TRIO: variants seen among roughly 807,000 people sequenced by gnomAD.
TRIO encodes the protein triple functional domain protein.
In TRIO, 58 loss-of-function variants were observed where a neutral mutation model predicts 351.9. The ratio of observed to expected loss-of-function variants is 0.16; its 90% CI spans 0.13 to 0.21. TRIO has a LOEUF of 0.21. Ranked by LOEUF, TRIO falls within the 10% of genes least tolerant of loss-of-function variation. The pLI is 1.00. For missense variants in TRIO, 3,201 were observed against 4,027.8 expected (o/e 0.79, Z 5.56); for synonymous variants, 1,758 against 1,595.7 (o/e 1.10, Z -2.42).
At chr5:14,311,001 G>A (rs1013195500) in intron 8 of TRIO, among the ~76,000 whole-genome samples, 1 of 152,196 alleles carries the variant, frequency 6.6e-6, no homozygotes, top group Non-Finnish European at 1.5e-5. Flanking sequence ...TTCCATCACA[G>A]TTGTATAAAG....
Position 14,507,210 on chromosome 5 carries a change from G to A in TRIO, c.8701G>A (p.Glu2901Lys). ...CAGGGCGCACCTGGGGGAGGTTCTG[G>A]AAGCTGTCCGGTACCTGCACAACTG... The part of the protein sequence containing the change: ...KIRAHLGEVL[E>K]AVRYLHNCRI... The change falls in exon 56 of 57, where the codon GAA (glutamate) becomes AAA (lysine). Residue 2901 changes from glutamate (E) to lysine (K), a missense_variant. Around this residue, in one of 19 missense-constraint regions of TRIO, gnomAD observed 233 missense variants for 292.6 expected, o/e 0.80. Transcript: ENST00000344204. The A allele has an allele frequency of 1.2e-6, 2 of 1,612,000 alleles. No individual in the cohort carries two copies. The highest frequency in any genetic ancestry group is 1.3e-5 in the African/African-American group (1 of 74,972).
chr5:14,488,357 A>G, intron 48 of TRIO, 97 bp downstream of exon 48: 2 of 1,457,688 alleles, frequency 1.4e-6, no homozygotes, highest in Admixed American at 2.3e-5. Flanking sequence ...TCGGCTGCCC[A>G]GCGCTCTCCG....
intron 34 of TRIO, 159 bp downstream of exon 34, chr5:14,420,180 G>T (rs749830474): frequency 6.5e-5 from 71 of 1,092,362 alleles, no homozygotes; most frequent in Middle Eastern, 3.1e-4. Flanking sequence ...CAGTCCATCA[G>T]CACCTGAAGA....
At chr5:14,328,224 T>G (rs925106309) in intron 9 of TRIO, among the ~76,000 whole-genome samples, 2 of 152,216 alleles carry the variant, frequency 1.3e-5, no homozygotes, top group Non-Finnish European at 2.9e-5. Context: ...GTTAAAGTAA[T>G]GTGCACTCAA....
intron 34 of TRIO, among the ~76,000 whole-genome samples, chr5:14,454,318 C>CAAGTAG (rs1463808064): frequency 1.3e-5 from 2 of 152,198 alleles, no homozygotes; most frequent in Non-Finnish European, 2.9e-5. Context: ...TGTTCACGTA[C>CAAGTAG]ACTTAGTCTG....
chr5:14,369,255 TG>T, intron 17 of TRIO, 118 bp from the exon 18 acceptor site: 1 of 1,402,532 alleles, frequency 7.1e-7, no homozygotes, highest in Non-Finnish European at 9.5e-7. Flanking sequence ...CTCCTTCTTA[TG>T]GTCTTGATCC....
rs1453016438 is a variant in TRIO at position 14,498,319 on chromosome 5, A to C, written c.8210+68A>C. The C allele has an allele frequency of 2.5e-6, 4 of 1,582,204 alleles. No individual in the cohort carries two copies. The African/African-American group carries it at 5.4e-5, about 21-fold the overall frequency. The stretch of plus-strand genomic sequence containing the variant: ...ACCATCTTGTCACTTGGCAACTGGA[A>C]ATTCCTCCTTCACGGATGGATTTCT... On this transcript the variant is annotated intron_variant, in intron 52 of 56. Transcript: ENST00000344204.
intron 1 of TRIO, among the ~76,000 whole-genome samples, chr5:14,187,202 T>G (rs182443093): frequency 2.0e-5 from 3 of 152,210 alleles, no homozygotes; most frequent in Admixed American, 6.5e-5. Flanking sequence ...AGTACTAAAA[T>G]GTATTATACT....
At chr5:14,254,207 G>T (rs1290331990) in intron 1 of TRIO, among the ~76,000 whole-genome samples, 2 of 148,320 alleles carry the variant, frequency 1.3e-5, no homozygotes. Flanking sequence ...CGCCTGAGAC[G>T]GAGTCTTGCT....
At chr5:14,188,871 A>G (rs554894670) in intron 1 of TRIO, among the ~76,000 whole-genome samples, 36 of 152,318 alleles carry the variant, frequency 2.4e-4, no homozygotes, top group Non-Finnish European at 4.1e-4. Flanking sequence ...ATGGTGATGT[A>G]GTTCAAGTCG....
rs746264664 is a variant in TRIO at position 14,399,095 on chromosome 5, A to G, written c.4614+25A>G. The G allele has an allele frequency of 2.5e-6, 4 of 1,601,660 alleles. No individual in the cohort carries two copies. The South Asian group carries it at 4.4e-5, about 18-fold the overall frequency. On this transcript the variant is annotated intron_variant, in intron 30 of 56. Transcript: ENST00000344204. ...TGTAAGTATAGGCGTTCAGAATTGT[A>G]AGTCTAAAGGTAACACAATTGCAGT...
chr5:14,382,911 A>G (rs957966142), intron 21 of TRIO, among the ~76,000 whole-genome samples: 4 of 150,898 alleles, frequency 2.7e-5, no homozygotes, highest in African/African-American at 9.8e-5. Flanking sequence ...AATACATAAT[A>G]GTTATGCACA....
At chr5:14,235,028 G>T (rs963576873) in intron 1 of TRIO, among the ~76,000 whole-genome samples, 1 of 152,034 alleles carries the variant, frequency 6.6e-6, no homozygotes, top group Non-Finnish European at 1.5e-5. Flanking sequence ...TGGAAATTTT[G>T]ATCTAAATAT....
rs1237729971 is a variant in TRIO, at chr5:14,508,260, C to A, written c.9132C>A (p.Ala3044=). The A allele has an allele frequency of 1.9e-6, 3 of 1,613,980 alleles. No individual in the cohort carries two copies. The South Asian group carries it at 3.3e-5, about 18-fold the overall frequency. Residue 3044 remains alanine, a synonymous_variant, in exon 57 of 57, where the codon GCC becomes GCA. Coordinates refer to ENST00000344204, the MANE Select transcript of TRIO (RefSeq NM_007118.4). Reference sequence around the variant, plus strand: ...CCAAGCGTCCCTCGGCTGCGCTGGCCCTCCAGGAGCAGTGGCTGCAGGCCG... The same window carrying A: ...CCAAGCGTCCCTCGGCTGCGCTGGCACTCCAGGAGCAGTGGCTGCAGGCCG... ...DPAKRPSAAL[A]LQEQWLQAGN...
chr5:14,310,750 A>G (rs1253895552), intron 8 of TRIO, among the ~76,000 whole-genome samples: 1 of 152,218 alleles, frequency 6.6e-6, no homozygotes, highest in Non-Finnish European at 1.5e-5. Flanking sequence ...CAGTGGTGCG[A>G]TTTAGGCTCA....
At chr5:14,504,299 C>T in intron 54 of TRIO, 94 bp from the exon 55 acceptor site, 1 of 1,394,638 alleles carries the variant, frequency 7.2e-7, no homozygotes, top group South Asian at 1.3e-5. Context: ...CAGGGCTGGG[C>T]CACCACACAG....
At chr5:14,158,916 T>G (rs1488048909) in intron 1 of TRIO, among the ~76,000 whole-genome samples, 1 of 152,252 alleles carries the variant, frequency 6.6e-6, no homozygotes, top group Non-Finnish European at 1.5e-5. Context: ...GCTTCAGTTA[T>G]TGAGTGTTTA....
At chr5:14,409,667 T>C (rs1401267862) in intron 33 of TRIO, among the ~76,000 whole-genome samples, 3 of 151,964 alleles carry the variant, frequency 2.0e-5, no homozygotes, top group East Asian at 1.9e-4. Flanking sequence ...ACCCCGTCTC[T>C]ACTAAAAATG....
chr5:14,194,127 A>C (rs1002740740), intron 1 of TRIO, among the ~76,000 whole-genome samples: 1 of 152,162 alleles, frequency 6.6e-6, no homozygotes, highest in African/African-American at 2.4e-5. Flanking sequence ...GCATTGTCAA[A>C]TTGTACCCAT....
Sources: gnomAD v4.1 joint callset for allele counts (sites outside exome capture counted in the v4.1 genomes callset) on GRCh38, gnomAD v4.1.1 for gene constraint, gnomAD v4.1.1 regional missense constraint, MANE v1.5 for transcripts, NCBI Gene and HGNC (gene_info 2026-07-23, HGNC 2026-07-21) for gene names.